The following MTHFD1L variants were observed in gnomAD, a reference collection of about 807,000 sequenced individuals.
MTHFD1L encodes the protein monofunctional C1-tetrahydrofolate synthase, mitochondrial.
MTHFD1L carries 81 observed loss-of-function variants against 119.5 expected under a neutral mutation model. The observed-to-expected ratio is 0.68, with a 90% CI of 0.57 to 0.82. The LOEUF (loss-of-function observed/expected upper bound fraction) is 0.82, where lower values mean the gene tolerates loss of function less well. MTHFD1L is among the 40% of genes least tolerant of loss of function. MTHFD1L has a pLI of 0.00. For missense variants in MTHFD1L, 1,125 were observed against 1,253.4 expected (o/e 0.90, Z 1.55); for synonymous variants, 430 against 475.2 (o/e 0.90, Z 1.24).
rs1289421250 is a variant in MTHFD1L, at chr6:150,936,954, C to T, written c.1393+14C>T. Reference sequence around the variant, plus strand: ...TTGGAGTGAAAGGTACTGTCTTTAACAACTAGTGTACTTTTCAGGGCAAAG... The same window carrying T: ...TTGGAGTGAAAGGTACTGTCTTTAATAACTAGTGTACTTTTCAGGGCAAAG... On this transcript the variant is annotated intron_variant, in intron 12 of 27. Coordinates refer to ENST00000367321, the MANE Select transcript of MTHFD1L (RefSeq NM_015440.5). 1.2e-6 allele frequency: 2 copies of T among 1,612,348 alleles called. No individual in the cohort carries two copies. The highest frequency in any genetic ancestry group is 1.7e-6 in the Non-Finnish European group (2 of 1,178,696).
chr6:150,967,531 A>G (rs1441502044), intron 19 of MTHFD1L, among the ~76,000 whole-genome samples: 1 of 152,152 alleles, frequency 6.6e-6, no homozygotes, highest in Admixed American at 6.5e-5. Context: ...TGGGTGGGGA[A>G]AAGCCATTTC....
chr6:150,880,263 C>A (rs1229500734), intron 4 of MTHFD1L, among the ~76,000 whole-genome samples: 5 of 152,164 alleles, frequency 3.3e-5, no homozygotes, highest in African/African-American at 1.2e-4. Flanking sequence ...TTCCCCTCCC[C>A]CATCCCTCTC....
intron 7 of MTHFD1L, among the ~76,000 whole-genome samples, chr6:150,902,389 C>G (rs1322632932): frequency 1.3e-5 from 2 of 152,172 alleles, no homozygotes; most frequent in Non-Finnish European, 2.9e-5. Flanking sequence ...AGCTGCTCCA[C>G]TCAAGTCTCA....
chr6:150,969,964 C>A (rs140431781), intron 19 of MTHFD1L, among the ~76,000 whole-genome samples: 1 of 152,236 alleles, frequency 6.6e-6, no homozygotes, highest in Non-Finnish European at 1.5e-5. Flanking sequence ...CTCTTGTACC[C>A]TGATCCTATG....
intron 11 of MTHFD1L, among the ~76,000 whole-genome samples, chr6:150,927,833 C>A (rs1015170287): frequency 7.9e-5 from 12 of 152,002 alleles, no homozygotes; most frequent in Admixed American, 2.6e-4. Context: ...GGGTGGAGAT[C>A]CCATCTTACA....
chr6:150,976,173 C>A (rs1373201633), intron 20 of MTHFD1L, among the ~76,000 whole-genome samples: 3 of 152,120 alleles, frequency 2.0e-5, no homozygotes, highest in African/African-American at 7.2e-5. Flanking sequence ...TGCACTCCAG[C>A]CTAGGCAACA....
chr6:150,962,193 T>C (rs1391728786), intron 18 of MTHFD1L, among the ~76,000 whole-genome samples: 1 of 152,092 alleles, frequency 6.6e-6, no homozygotes, highest in Non-Finnish European at 1.5e-5. Flanking sequence ...TTTCACCATT[T>C]TGGCCAGGCT....
At chr6:150,903,218 T>C (rs1302591988) in intron 7 of MTHFD1L, among the ~76,000 whole-genome samples, 22 of 134,512 alleles carry the variant, frequency 1.6e-4, no homozygotes, top group African/African-American at 1.4e-4. Flanking sequence ...TTTTTTTTTT[T>C]TTTTTTTTTT....
At chr6:150,907,084 T>G (rs969055131) in intron 8 of MTHFD1L, among the ~76,000 whole-genome samples, 2 of 152,158 alleles carry the variant, frequency 1.3e-5, no homozygotes, top group African/African-American at 2.4e-5. Context: ...CCAGTCAGAT[T>G]AGGAAAATCA....
chr6:151,079,916 T>C (rs1792964970), intron 26 of MTHFD1L, among the ~76,000 whole-genome samples: 2 of 151,530 alleles, frequency 1.3e-5, no homozygotes, highest in South Asian at 4.2e-4. Flanking sequence ...GGCTCACACC[T>C]GTAATCCCAG....
rs1001863823 is a variant in MTHFD1L at position 151,070,523 on chromosome 6, A to G, written c.2848-21944A>G. ...TTGGTTTTTAGTAAACCCTTTTGTGACATTGTCTTTGAGAACAGAGGTCAA... is the reference window on the plus strand; with the variant it reads ...TTGGTTTTTAGTAAACCCTTTTGTGGCATTGTCTTTGAGAACAGAGGTCAA... On this transcript the variant is annotated intron_variant, in intron 26 of 27. Coordinates refer to ENST00000367321, the MANE Select transcript of MTHFD1L (RefSeq NM_015440.5). Among the ~76,000 whole-genome samples, 4 of 152,306 alleles carry G rather than the reference A, an allele frequency of 2.6e-5. No homozygotes were observed. In the East Asian group the frequency reaches 7.7e-4, roughly 29 times the overall value.
intron 26 of MTHFD1L, among the ~76,000 whole-genome samples, chr6:151,075,108 G>A (rs1231682419): frequency 1.3e-5 from 2 of 151,778 alleles, no homozygotes; most frequent in African/African-American, 4.8e-5. Context: ...GAACAGATAG[G>A]ACAATAAGAA....
chr6:150,956,431 TTACTC>T (rs1795656795), intron 17 of MTHFD1L, among the ~76,000 whole-genome samples: 1 of 152,200 alleles, frequency 6.6e-6, no homozygotes, highest in African/African-American at 2.4e-5. Context: ...CTCAGACACA[TTACTC>T]AAATTTCATA....
chr6:150,944,409 C>T, intron 13 of MTHFD1L, 77 bp from the exon 14 acceptor site: 1 of 1,053,744 alleles, frequency 9.5e-7, no homozygotes, highest in African/African-American at 1.6e-5. Flanking sequence ...GATCATGCCA[C>T]TGCACTCCAG....
intron 7 of MTHFD1L, among the ~76,000 whole-genome samples, chr6:150,901,975 T>TA (rs1785162421): frequency 1.3e-5 from 2 of 152,110 alleles, no homozygotes; most frequent in Admixed American, 6.5e-5. Flanking sequence ...TTTTTTTTTT[T>TA]ACCCATTCTG....
chr6:151,062,978 A>G (rs922590634), intron 26 of MTHFD1L, among the ~76,000 whole-genome samples: 47 of 152,162 alleles, frequency 3.1e-4, no homozygotes, highest in African/African-American at 1.1e-3. Context: ...GCACATGTAT[A>G]CATATGTAAC....
chr6:150,975,034 G>A (rs984678760), intron 20 of MTHFD1L, among the ~76,000 whole-genome samples: 13 of 151,994 alleles, frequency 8.6e-5, no homozygotes, highest in Non-Finnish European at 1.8e-4. Flanking sequence ...CACCACACCC[G>A]GCTAGAATTC....
chr6:151,098,035 G>A (rs919523374), intron 27 of MTHFD1L, among the ~76,000 whole-genome samples: 3 of 152,024 alleles, frequency 2.0e-5, no homozygotes, highest in Non-Finnish European at 2.9e-5. Context: ...TTAGCCAGGC[G>A]TCATGGCACG....
Position 151,015,602 on chromosome 6 carries a change from C to G in MTHFD1L, c.2495C>G (p.Ser832Cys). The G allele has an allele frequency of 6.2e-7, 1 of 1,614,036 alleles. No homozygotes were observed. The highest frequency in any genetic ancestry group is 1.7e-5 in the Admixed American group (1 of 59,998). Residue 832 changes from serine to cysteine, a missense_variant, in exon 24 of 28, where the codon TCC becomes TGC. By Grantham distance (112) the Ser-to-Cys change is moderately radical. Coordinates refer to ENST00000367321, the MANE Select transcript of MTHFD1L (RefSeq NM_015440.5). Reference sequence around the variant, plus strand: ...GATGCAGTCCCCTGCTATCACTGGTCCGTTGGTGGAAAAGGATCGGTGGAC... The same window carrying G: ...GATGCAGTCCCCTGCTATCACTGGTGCGTTGGTGGAAAAGGATCGGTGGAC... ...AFDAVPCYHWSVGGKGSVDLA... is the reference protein window; with the variant it reads ...AFDAVPCYHWCVGGKGSVDLA...
Sources: gnomAD v4.1 joint callset for allele counts (sites outside exome capture counted in the v4.1 genomes callset) on GRCh38, gnomAD v4.1.1 for gene constraint, MANE v1.5 for transcripts, NCBI Gene and HGNC (gene_info 2026-07-23, HGNC 2026-07-21) for gene names.